The following CPNE4 variants were observed in gnomAD, a reference collection of about 807,000 sequenced individuals.
CPNE4 encodes copine 4.
A neutral mutation model predicts 67.9 loss-of-function variants in CPNE4; 25 were observed. That is an observed-to-expected ratio of 0.37 (90% CI 0.27 to 0.51). The LOEUF (loss-of-function observed/expected upper bound fraction) is 0.51, where lower values mean the gene tolerates loss of function less well. CPNE4 is among the 20% of genes least tolerant of loss of function. The probability of loss-of-function intolerance (pLI) is 0.93; values close to 1 mark genes in which losing one functional copy is unlikely to be tolerated. For missense variants in CPNE4, 464 were observed against 690.8 expected, an observed-to-expected ratio of 0.67 and a Z score of 3.68; for synonymous variants, 242 against 244.9, an observed-to-expected ratio of 0.99 and a Z score of 0.11.
chr3:131,953,034 T>C (rs1480104762), intron 1 of CPNE4, among the ~76,000 whole-genome samples: 1 of 151,972 alleles, frequency 6.6e-6, no homozygotes, highest in Admixed American at 6.6e-5. Context: ...AAACAGATGC[T>C]TGAAGGCAGC....
chr3:131,915,045 ACT>A lies in CPNE4; in HGVS notation c.-1-9603_-1-9602del, dbSNP rs369989382. The stretch of plus-strand genomic sequence containing the variant: ...AATATTAACTACAGTAATAAAACAC[ACT>A]GTTTTATTTATTCCTTGAGACAACT... On this transcript the variant is annotated intron_variant, in intron 1 of 15. Transcript: ENST00000429747. Among the ~76,000 whole-genome samples the A allele has an allele frequency of 7.0e-4, 106 of 152,164 alleles. 1 individual carries two copies. The highest frequency in any genetic ancestry group is 2.5e-3 in the African/African-American group (104 of 41,538).
chr3:131,978,921 A>G (rs1275057674), intron 1 of CPNE4, among the ~76,000 whole-genome samples: 1 of 151,878 alleles, frequency 6.6e-6, no homozygotes, highest in African/African-American at 2.4e-5. Context: ...AGAATTTTTT[A>G]GTTTTCATCT....
intron 1 of CPNE4, among the ~76,000 whole-genome samples, chr3:131,939,269 TCAA>T (rs1397013031): frequency 1.3e-5 from 2 of 152,006 alleles, no homozygotes; most frequent in Non-Finnish European, 1.5e-5. Context: ...AATGCAGCTG[TCAA>T]CAACAACAAC....
intron 1 of CPNE4, among the ~76,000 whole-genome samples, chr3:131,930,475 A>T (rs1307313731): frequency 6.6e-6 from 1 of 151,914 alleles, no homozygotes; most frequent in African/African-American, 2.4e-5. Flanking sequence ...AAGCCAAAGG[A>T]CTCATTTATT....
At chr3:131,907,857 G>T (rs1442138099) in intron 1 of CPNE4, among the ~76,000 whole-genome samples, 25 of 152,078 alleles carry the variant, frequency 1.6e-4, no homozygotes, top group Admixed American at 1.6e-3. Flanking sequence ...TTGGAGAGTT[G>T]CAATTCTGGT....
chr3:131,566,010 A>G (rs1937039510), intron 10 of CPNE4, among the ~76,000 whole-genome samples: 1 of 151,922 alleles, frequency 6.6e-6, no homozygotes, highest in African/African-American at 2.4e-5. Context: ...TTTTCATGTG[A>G]CATAGGGTAA....
chr3:131,544,186 T>C (rs1041809246), intron 14 of CPNE4, among the ~76,000 whole-genome samples: 1 of 152,198 alleles, frequency 6.6e-6, no homozygotes, highest in Non-Finnish European at 1.5e-5. Flanking sequence ...GCCTAACATT[T>C]ATAGGTAGTA....
At chr3:131,935,273 C>T (rs2071190306) in intron 1 of CPNE4, among the ~76,000 whole-genome samples, 1 of 151,932 alleles carries the variant, frequency 6.6e-6, no homozygotes, top group African/African-American at 2.4e-5. Flanking sequence ...TAAGTGAAGG[C>T]CATGGTATAT....
At chr3:131,726,662 G>A (rs2082007471) in intron 2 of CPNE4, among the ~76,000 whole-genome samples, 1 of 127,348 alleles carries the variant, frequency 7.9e-6, no homozygotes, top group South Asian at 2.5e-4. Flanking sequence ...GGTCAAGGCA[G>A]TTTTTCCCAA....
chr3:132,013,442 T>C (rs1455844714), intron 1 of CPNE4, among the ~76,000 whole-genome samples: 1 of 152,194 alleles, frequency 6.6e-6, no homozygotes, highest in African/African-American at 2.4e-5. Flanking sequence ...CCTCTGCTCA[T>C]CCGTAACCAA....
At chr3:132,021,398 T>C (rs1432475948) in intron 1 of CPNE4, among the ~76,000 whole-genome samples, 1 of 145,030 alleles carries the variant, frequency 6.9e-6, no homozygotes, top group African/African-American at 2.4e-5. Context: ...TTTGGATTTT[T>C]TGAACCCTAT....
intron 9 of CPNE4, among the ~76,000 whole-genome samples, chr3:131,578,144 G>GCAC (rs1937597700): frequency 2.0e-5 from 3 of 152,028 alleles, no homozygotes; most frequent in Admixed American, 2.0e-4. Flanking sequence ...ATTGCATTGA[G>GCAC]CAATACTATT....
intron 2 of CPNE4, among the ~76,000 whole-genome samples, chr3:131,736,611 C>CAAAAA (rs71136406): frequency 3.7e-5 from 3 of 82,132 alleles, no homozygotes; most frequent in Admixed American, 1.3e-4. Flanking sequence ...AAGACTGTCT[C>CAAAAA]AAAAAAAAAA....
intron 8 of CPNE4, among the ~76,000 whole-genome samples, chr3:131,583,022 G>T (rs938681628): frequency 2.6e-5 from 4 of 152,204 alleles, no homozygotes; most frequent in African/African-American, 9.6e-5. Flanking sequence ...TCACTGGAAG[G>T]TGCCAGCAGG....
chr3:131,900,427 G>T, intron 2 of CPNE4, among the ~76,000 whole-genome samples: 1 of 152,082 alleles, frequency 6.6e-6, no homozygotes, highest in East Asian at 1.9e-4. Context: ...ACTATGGCAT[G>T]ATTTATTTTA....
At chr3:131,702,423 G>T (rs34968734) in intron 3 of CPNE4, among the ~76,000 whole-genome samples, 2,935 of 152,284 alleles carry the variant, frequency 0.019, 40 homozygotes, top group Non-Finnish European at 0.028. Flanking sequence ...AGCAAGGGAA[G>T]TGGGGAAGAC....
At chr3:131,712,530 A>G (rs1337862784) in intron 3 of CPNE4, among the ~76,000 whole-genome samples, 1 of 152,244 alleles carries the variant, frequency 6.6e-6, no homozygotes, top group African/African-American at 2.4e-5. Flanking sequence ...AATCTTCACA[A>G]CTTCTAAAAT....
At chr3:131,769,196 A>T (rs1475079112) in intron 2 of CPNE4, among the ~76,000 whole-genome samples, 1 of 152,154 alleles carries the variant, frequency 6.6e-6, no homozygotes, top group African/African-American at 2.4e-5. Context: ...ATCAGAGGGC[A>T]AGCTCAGGGA....
chr3:131,650,732 A>G (rs112906534), intron 7 of CPNE4, among the ~76,000 whole-genome samples: 1,416 of 116,356 alleles, frequency 0.012, 3 homozygotes, highest in Middle Eastern at 0.015. Flanking sequence ...GGGACAGAGC[A>G]AGACTCCGTC....
Sources: gnomAD v4.1 joint callset for allele counts (sites outside exome capture counted in the v4.1 genomes callset) on GRCh38, gnomAD v4.1.1 for gene constraint, MANE v1.5 for transcripts, NCBI Gene and HGNC (gene_info 2026-07-23, HGNC 2026-07-21) for gene names.